Variants in DPY19L2 observed in about 807,000 individuals in gnomAD.
DPY19L2 encodes the protein dpy-19 like 2, also known as probable C-mannosyltransferase DPY19L2.
A neutral mutation model predicts 97.9 loss-of-function variants in DPY19L2; 34 were observed. That is an observed-to-expected ratio of 0.35 (90% confidence interval 0.26 to 0.46). DPY19L2 has a LOEUF of 0.46. DPY19L2 is among the 20% of genes least tolerant of loss of function. The probability of loss-of-function intolerance (pLI) is 1.00; values close to 1 mark genes in which losing one functional copy is unlikely to be tolerated. For synonymous variants in DPY19L2, 230 were observed against 307.9 expected, an observed-to-expected ratio of 0.75 and a Z score of 2.65; for missense variants, 623 against 911.4, an observed-to-expected ratio of 0.68 and a Z score of 4.07.
intron 12 of DPY19L2, 106 bp downstream of exon 12, chr12:63,608,510 T>C (rs1886427187): frequency 6.4e-6 from 7 of 1,092,322 alleles, no homozygotes; most frequent in Non-Finnish European, 9.2e-6. Context: ...CAGTAGCTAT[T>C]TATTAACTAT....
chr12:63,657,632 G>C (rs1396771253), intron 4 of DPY19L2, among the ~76,000 whole-genome samples: 2 of 151,798 alleles, frequency 1.3e-5, no homozygotes, highest in African/African-American at 4.8e-5. Context: ...CAATGGGTTT[G>C]ATACCGTTCT....
In DPY19L2 at chr12:63,606,356, A is replaced by T. The variant is rs554888417; in HGVS notation, c.1278+2260T>A. ...AACAGAACACTCTAAATACCTTATTATCGGTAAGACTAATGACTGCTGAAG... is the reference window on the plus strand; with the variant it reads ...AACAGAACACTCTAAATACCTTATTTTCGGTAAGACTAATGACTGCTGAAG... On this transcript the variant is annotated intron_variant, in intron 12 of 21. Coordinates refer to ENST00000324472, the MANE Select transcript of DPY19L2 (RefSeq NM_173812.5). Among the ~76,000 whole-genome samples, 70 of 152,240 alleles carry T rather than the reference A, an allele frequency of 4.6e-4. No individual in the cohort carries two copies. The South Asian group carries it at 0.014, about 31-fold the overall frequency.
rs534455529 is a variant in DPY19L2 at position 63,626,923 on chromosome 12, C to T, written c.804-397G>A. ...GCTCCCAAGTAGCTCGGATTACAGG[C>T]GCGTGCTGCCACACCCGGCTAATTT... On this transcript the variant is annotated intron_variant, in intron 6 of 21. Coordinates refer to ENST00000324472, the MANE Select transcript of DPY19L2 (RefSeq NM_173812.5). Among the ~76,000 whole-genome samples the T allele has an allele frequency of 3.3e-5, 5 of 152,120 alleles. No individual in the cohort carries two copies. The East Asian group carries it at 5.8e-4, about 18-fold the overall frequency.
At chr12:63,565,321 A>C (rs770363709) in intron 21 of DPY19L2, among the ~76,000 whole-genome samples, 1 of 152,142 alleles carries the variant, frequency 6.6e-6, no homozygotes, top group African/African-American at 2.4e-5. Context: ...CAGTATTGGC[A>C]GGACTCCAAT....
At chr12:63,625,140 T>C (rs1889315238) in intron 7 of DPY19L2, among the ~76,000 whole-genome samples, 1 of 152,162 alleles carries the variant, frequency 6.6e-6, no homozygotes, top group South Asian at 2.1e-4. Flanking sequence ...CTCACGCCTG[T>C]AATCCCCAGT....
intron 7 of DPY19L2, among the ~76,000 whole-genome samples, chr12:63,624,530 AC>A (rs1889209523): frequency 1.3e-5 from 2 of 152,248 alleles, no homozygotes; most frequent in East Asian, 3.9e-4. Context: ...AACAAATGTC[AC>A]CTAGGTCATT....
At chr12:63,581,506 CAG>C (rs1168883377) in intron 18 of DPY19L2, among the ~76,000 whole-genome samples, 1,939 of 104,756 alleles carry the variant, frequency 0.019, 23 homozygotes, top group Admixed American at 0.026. Flanking sequence ...TTTTCTGAGA[CAG>C]AGTCTCACTC....
At chr12:63,641,053 C>T (rs1203091460) in intron 6 of DPY19L2, among the ~76,000 whole-genome samples, 5 of 151,850 alleles carry the variant, frequency 3.3e-5, no homozygotes, top group African/African-American at 7.3e-5. Flanking sequence ...CCACCACGCC[C>T]GGCTAATTTT....
chr12:63,560,390 T>G lies in DPY19L2; in HGVS notation c.*122A>C. Reference sequence around the variant, plus strand: ...AGTAATCAGAAAAATTTCCAATCCATTTTTATCTTATTTTTAAGTGTCTGT... The same window carrying G: ...AGTAATCAGAAAAATTTCCAATCCAGTTTTATCTTATTTTTAAGTGTCTGT... On this transcript the variant is annotated 3_prime_UTR_variant, in exon 22 of 22. Transcript: ENST00000324472. 4 of 1,251,514 alleles carry G rather than the reference T, an allele frequency of 3.2e-6. No individual in the cohort carries two copies. Among genetic ancestry groups the G allele is most frequent in the Non-Finnish European group, 4.3e-6 (4 of 941,014 alleles). The allele number at this position is 1,251,514 out of a possible 1,614,324, so 77.5% of individuals were successfully genotyped here. A position where few individuals can be genotyped will look rare whatever the true frequency, so the allele number is the denominator to read the frequency against.
chr12:63,569,329 T>G lies in DPY19L2; in HGVS notation c.2021A>C (p.Tyr674Ser), dbSNP rs753163494. The change falls in exon 21 of 22, where the codon TAT becomes TCT. Residue 674 changes from tyrosine (Y) to serine (S), a missense_variant. By Grantham distance (144) the Tyr-to-Ser change is moderately radical. Transcript: ENST00000324472. The stretch of plus-strand genomic sequence containing the variant: ...GGCAGATTTTCGACTATATGTAGAA[T>G]AAACTATTTTTGTCCGAGCCCTTTA... ...ADLRARTKIV[Y>S]STYSRKSAKE... 2.2e-5 allele frequency: 35 copies of G among 1,593,478 alleles called. No individual in the cohort carries two copies. The highest frequency in any genetic ancestry group is 2.8e-5 in the Non-Finnish European group (33 of 1,171,656).
intron 6 of DPY19L2, among the ~76,000 whole-genome samples, chr12:63,643,318 C>T (rs1441067455): frequency 6.6e-6 from 1 of 151,808 alleles, no homozygotes; most frequent in African/African-American, 2.4e-5. Flanking sequence ...CACTAGTTTT[C>T]ATTGATTCTA....
At chr12:63,562,798 C>CTTTTTTTT (rs59380942) in intron 21 of DPY19L2, among the ~76,000 whole-genome samples, 2 of 139,620 alleles carry the variant, frequency 1.4e-5, no homozygotes, top group Admixed American at 7.1e-5. Context: ...TCCTTTTGTC[C>CTTTTTTTT]TTTTTTTTTT....
chr12:63,667,325 T>G (rs1236528568), intron 1 of DPY19L2, among the ~76,000 whole-genome samples: 1 of 152,144 alleles, frequency 6.6e-6, no homozygotes, highest in African/African-American at 2.4e-5. Context: ...TCAAATATAC[T>G]ACCAAATTCA....
At chr12:63,582,905 T>G (rs2908087) in intron 17 of DPY19L2, among the ~76,000 whole-genome samples, 29,550 of 151,340 alleles carry the variant, frequency 0.2, 4,132 homozygotes, top group African/African-American at 0.41. Context: ...GGAGGTGGAG[T>G]ACCAACACAG....
At chr12:63,656,368 T>C (rs1894970290) in intron 4 of DPY19L2, among the ~76,000 whole-genome samples, 1 of 152,186 alleles carries the variant, frequency 6.6e-6, no homozygotes, top group African/African-American at 2.4e-5. Context: ...GTCTATTCAT[T>C]CTGTTAGATA....
intron 15 of DPY19L2, among the ~76,000 whole-genome samples, chr12:63,594,749 T>C (rs145624208): frequency 6.6e-6 from 1 of 152,152 alleles, no homozygotes; most frequent in African/African-American, 2.4e-5. Context: ...TTTATAAGTC[T>C]TGGATCTTAA....
chr12:63,615,618 A>G (rs1887697448), intron 11 of DPY19L2, among the ~76,000 whole-genome samples: 1 of 152,174 alleles, frequency 6.6e-6, no homozygotes, highest in Admixed American at 6.6e-5. Context: ...CAACAAATAA[A>G]TTTCATGAGG....
intron 6 of DPY19L2, among the ~76,000 whole-genome samples, chr12:63,631,283 G>A (rs1890585070): frequency 6.6e-6 from 1 of 152,044 alleles, no homozygotes; most frequent in South Asian, 2.1e-4. Flanking sequence ...CCAGGAGCTG[G>A]TTTTTGGGAA....
intron 4 of DPY19L2, among the ~76,000 whole-genome samples, chr12:63,648,914 C>T (rs957137864): frequency 1.3e-5 from 2 of 151,776 alleles, no homozygotes; most frequent in African/African-American, 4.8e-5. Flanking sequence ...TTTAAAGCAA[C>T]AATCATAAAT....
Sources: allele counts gnomAD v4.1 joint callset (sites outside exome capture counted in the v4.1 genomes callset), GRCh38; gene constraint gnomAD v4.1.1; transcripts MANE v1.5; gene names NCBI Gene and HGNC (gene_info 2026-07-23, HGNC 2026-07-21).